Variants in XIST observed in about 807,000 individuals in gnomAD.
The protein encoded by XIST is X inactive specific transcript (non-protein coding).
chrX:73,842,206 G>A (rs1408980569), exon 1 of XIST: 1 of 514,373 alleles, frequency 1.9e-6, no homozygotes, highest in Non-Finnish European at 3.5e-6. Context: ...AATTTTTCTG[G>A]CTGTATCCTG....
chrX:73,823,245 T>C lies in XIST; in HGVS notation n.16656A>G, dbSNP rs375269622. The C allele has an allele frequency of 5.8e-6, 3 of 520,980 alleles. No individual in the cohort carries two copies. The African/African-American group carries it at 6.9e-5, about 12-fold the overall frequency. The allele number at this position is 520,980 out of a possible 1,213,427, so 42.9% of individuals were successfully genotyped here. On this transcript the variant is annotated non_coding_transcript_exon_variant, in exon 6 of 6. Coordinates refer to ENST00000429829, the Ensembl canonical transcript of XIST. The stretch of plus-strand genomic sequence containing the variant: ...TAAACTAAGCCAATGAGGAAGTGAT[T>C]TGGGGGATTCCTGAAACTAGGAAAA...
Position 73,851,185 on chromosome X carries a change from G to A in XIST, n.1539C>T, listed in dbSNP as rs772468105. Reference sequence around the variant, plus strand: ...CATCCCACCTTTTCTCCCGCTCTGCGTGGCACTAGGCGGCAAAACCCGCCA... The same window carrying A: ...CATCCCACCTTTTCTCCCGCTCTGCATGGCACTAGGCGGCAAAACCCGCCA... On this transcript the variant is annotated non_coding_transcript_exon_variant, in exon 1 of 6. Coordinates refer to ENST00000429829, the Ensembl canonical transcript of XIST. 1.3e-5 allele frequency: 7 copies of A among 558,104 alleles called. 1 individual carries two copies. Among genetic ancestry groups the A allele is most frequent in the Middle Eastern group, 6.1e-4 (2 of 3,269 alleles). 46.0% of individuals were successfully genotyped at this position (558,104 alleles called of 1,213,427 possible).
exon 1 of XIST, chrX:73,851,123 T>C: frequency 7.2e-6 from 4 of 559,236 alleles, no homozygotes; most frequent in Non-Finnish European, 9.7e-6. Context: ...CACCCCCATT[T>C]CTAATTGGTT....
chrX:73,824,470 T>C (rs1922203531), exon 6 of XIST: 4 of 556,429 alleles, frequency 7.2e-6, no homozygotes, highest in Admixed American at 2.2e-5. Context: ...TGAAATATGA[T>C]AAATTTTCAG....
exon 1 of XIST, chrX:73,846,553 G>GT (rs759155998): frequency 2.3e-5 from 13 of 557,321 alleles, no homozygotes; most frequent in Non-Finnish European, 4.2e-5. Flanking sequence ...AATGAGCAGT[G>GT]TGCGATTACG....
At chrX:73,827,631 AG>A in exon 6 of XIST, 3 of 550,880 alleles carry the variant, frequency 5.4e-6, no homozygotes, top group Non-Finnish European at 9.8e-6. Context: ...GAGAAGGGGA[AG>A]GGGTAACAAA....
exon 6 of XIST, chrX:73,825,135 T>C: frequency 1.9e-6 from 1 of 521,153 alleles, no homozygotes. Context: ...TCTGGCACAT[T>C]ATAGGTGACC....
chrX:73,847,883 A>G (rs756978228), exon 1 of XIST: 1 of 559,102 alleles, frequency 1.8e-6, no homozygotes, highest in Non-Finnish European at 3.2e-6. Context: ...GAAAGGTAAC[A>G]TAGGTAATTA....
At chrX:73,844,071 G>C in exon 1 of XIST, 1 of 558,696 alleles carries the variant, frequency 1.8e-6, no homozygotes, top group Non-Finnish European at 3.2e-6. Flanking sequence ...CAAATGTAAA[G>C]ATCATAAGGA....
intron 1 of XIST, chrX:73,837,546 G>A (rs897859777): frequency 4.0e-6 from 2 of 498,895 alleles, no homozygotes; most frequent in Non-Finnish European, 3.6e-6. Context: ...AAGGAAATCT[G>A]AATAAAATAT....
chrX:73,848,229 C>A (rs1162155966), exon 1 of XIST: 6 of 554,894 alleles, frequency 1.1e-5, no homozygotes, highest in Admixed American at 2.2e-5. Context: ...TGCTGTAAGA[C>A]AAAAGGAATA....
chrX:73,843,229 C>T (rs747228380), exon 1 of XIST: 3 of 558,644 alleles, frequency 5.4e-6, no homozygotes, highest in Non-Finnish European at 9.7e-6. Flanking sequence ...CATAATATCC[C>T]ACTCTACCAG....
exon 6 of XIST, chrX:73,823,438 A>G (rs1160052615): frequency 2.0e-6 from 1 of 511,846 alleles, no homozygotes; most frequent in Admixed American, 2.7e-5. Context: ...CAAACCAAAG[A>G]TGTTCTTCTA....
At chrX:73,833,491 G>GT in intron 2 of XIST, 1 of 425,359 alleles carries the variant, frequency 2.4e-6, no homozygotes, top group South Asian at 4.6e-5. Flanking sequence ...TTAGACATAG[G>GT]TATCTCCTGT....
At chrX:73,834,075 T>G (rs1184047795) in intron 2 of XIST, among the ~76,000 whole-genome samples, 1 of 111,967 alleles carries the variant, frequency 8.9e-6, no homozygotes, top group Non-Finnish European at 1.9e-5. Flanking sequence ...CTTGCCAACA[T>G]CCTTCCCCAT....
chrX:73,831,829 C>T (rs921058195), intron 3 of XIST, among the ~76,000 whole-genome samples: 2 of 112,289 alleles, frequency 1.8e-5, no homozygotes, highest in Non-Finnish European at 3.8e-5. Flanking sequence ...CCACCTCTAT[C>T]AAAGTGCCTG....
At chrX:73,824,691 A>G (rs1445865722) in exon 6 of XIST, 1 of 557,110 alleles carries the variant, frequency 1.8e-6, no homozygotes, top group Non-Finnish European at 3.2e-6. Flanking sequence ...TTTATAATTT[A>G]GAAAGCACAT....
chrX:73,851,804 T>C (rs766650600), exon 1 of XIST: 2 of 556,860 alleles, frequency 3.6e-6, no homozygotes, highest in African/African-American at 2.2e-5. Flanking sequence ...AGCCGAGTTA[T>C]GCGGCAAGTC....
rs143484417 is a variant in XIST at position 73,844,224 on chromosome X, G to C, written n.8500C>G. On this transcript the variant is annotated non_coding_transcript_exon_variant, in exon 1 of 6. Coordinates refer to ENST00000429829, the Ensembl canonical transcript of XIST. ...CTGGTATACTGCAAATGGAGGGTGA[G>C]AAGGTAGAACTTTGTTTAATTAGGA... is the stretch of plus-strand genomic sequence containing the variant. The C allele has an allele frequency of 2.6e-3, 1,433 of 556,994 alleles. 25 individuals are homozygous for C. The African/African-American group carries it at 0.029, about 11-fold the overall frequency. The allele number at this position is 556,994 out of a possible 1,213,427, so 45.9% of individuals were successfully genotyped here. A position where few individuals can be genotyped will look rare whatever the true frequency, so the allele number is the denominator to read the frequency against.
Sources: gnomAD v4.1 joint callset for allele counts (sites outside exome capture counted in the v4.1 genomes callset) on GRCh38, gnomAD v4.1.1 for gene constraint, MANE v1.5 for transcripts, NCBI Gene and HGNC (gene_info 2026-07-23, HGNC 2026-07-21) for gene names.